The following SUZ12 variants were observed in gnomAD, a reference collection of about 807,000 sequenced individuals.
SUZ12 encodes the protein polycomb protein SUZ12.
Under a neutral mutation model 87.3 loss-of-function variants are expected in SUZ12, and 17 were observed. The observed-to-expected ratio is 0.19, with a 90% CI of 0.13 to 0.29. The LOEUF (loss-of-function observed/expected upper bound fraction) is 0.29. Ranked by LOEUF, SUZ12 falls within the 10% of genes least tolerant of loss-of-function variation. SUZ12 has a pLI of 1.00. For missense variants in SUZ12, 526 were observed against 912.2 expected, an observed-to-expected ratio of 0.58 and a Z score of 5.45; for synonymous variants, 253 against 312.4, an observed-to-expected ratio of 0.81 and a Z score of 2.01.
chr17:31,955,552 G>A (rs1221139805), intron 4 of SUZ12, among the ~76,000 whole-genome samples: 1 of 152,030 alleles, frequency 6.6e-6, no homozygotes, highest in Non-Finnish European at 1.5e-5. Flanking sequence ...ATTGAGAACA[G>A]CCTGACCAAC....
chr17:31,995,812 T>C, intron 14 of SUZ12, 50 bp downstream of exon 14: 1 of 1,405,458 alleles, frequency 7.1e-7, no homozygotes, highest in Non-Finnish European at 9.8e-7. Context: ...TTATTTTGTT[T>C]TGAAAATTGC....
At chr17:31,989,816 A>C (rs1298687921) in intron 10 of SUZ12, among the ~76,000 whole-genome samples, 1 of 133,384 alleles carries the variant, frequency 7.5e-6, no homozygotes, top group Non-Finnish European at 1.6e-5. Flanking sequence ...TCACCTTGTT[A>C]GCCAGGATGG....
chr17:31,948,160 C>T (rs1906744964), intron 4 of SUZ12, among the ~76,000 whole-genome samples: 1 of 152,008 alleles, frequency 6.6e-6, no homozygotes, highest in Admixed American at 6.6e-5. Context: ...ACTTTTATTT[C>T]ATATTTGAAA....
In SUZ12 at chr17:31,999,920, C is replaced by T. The variant is rs1005404281; in HGVS notation, c.*917C>T. ...GGAGAAGTGTTCTTAAAAAGTCAACCAGAAAACTGTTATGCCTTTTATTTG... is the reference window on the plus strand; with the variant it reads ...GGAGAAGTGTTCTTAAAAAGTCAACTAGAAAACTGTTATGCCTTTTATTTG... On this transcript the variant is annotated 3_prime_UTR_variant, in exon 16 of 16. Transcript: ENST00000322652. 8.6e-6 allele frequency: 2 copies of T among 232,538 alleles called. No homozygotes were observed. Among genetic ancestry groups the T allele is most frequent in the Non-Finnish European group, 1.7e-5 (2 of 117,780 alleles). 14.4% of individuals were successfully genotyped at this position (232,538 alleles called of 1,614,324 possible).
At chr17:31,960,130 G>GAGAAA (rs1240335887) in intron 4 of SUZ12, among the ~76,000 whole-genome samples, 1 of 152,164 alleles carries the variant, frequency 6.6e-6, no homozygotes, top group South Asian at 2.1e-4. Flanking sequence ...AGGGAAGGGA[G>GAGAAA]AGAAAACTTT....
intron 4 of SUZ12, chr17:31,964,070 A>G (rs1237709717): frequency 0.07 from 10,530 of 151,116 alleles, no homozygotes; most frequent in African/African-American, 0.23. Flanking sequence ...TCTGTTGCCC[A>G]GGCTGGAGTG....
chr17:31,993,652 G>A (rs1275818191), intron 11 of SUZ12, among the ~76,000 whole-genome samples: 6 of 151,958 alleles, frequency 3.9e-5, no homozygotes, highest in Non-Finnish European at 7.4e-5. Context: ...AGCTCCAAGC[G>A]ATACATTTGA....
chr17:31,980,182 A>T (rs1468213747), intron 8 of SUZ12, among the ~76,000 whole-genome samples: 18 of 151,586 alleles, frequency 1.2e-4, no homozygotes, highest in Admixed American at 3.9e-4. Context: ...AAATTTTTTT[A>T]AAGTTACATG....
chr17:31,980,164 GA>G (rs200470881), intron 8 of SUZ12, among the ~76,000 whole-genome samples: 6 of 147,768 alleles, frequency 4.1e-5, no homozygotes, highest in Middle Eastern at 3.3e-3. Context: ...TTCCTAAAAA[GA>G]AAAAAAAAAT....
chr17:31,972,485 T>A (rs1908502898), intron 5 of SUZ12, among the ~76,000 whole-genome samples: 1 of 151,646 alleles, frequency 6.6e-6, no homozygotes, highest in Non-Finnish European at 1.5e-5. Context: ...GGATCATAGC[T>A]CACTGCAGCC....
intron 4 of SUZ12, among the ~76,000 whole-genome samples, chr17:31,952,991 T>C (rs1907080969): frequency 2.0e-5 from 3 of 152,204 alleles, no homozygotes; most frequent in Admixed American, 2.0e-4. Flanking sequence ...CGAAGCAAAA[T>C]GTCACTTCTC....
At chr17:31,962,577 C>T (rs575192511) in intron 4 of SUZ12, among the ~76,000 whole-genome samples, 7 of 152,310 alleles carry the variant, frequency 4.6e-5, no homozygotes, top group Admixed American at 2.6e-4. Context: ...GGTGACACAA[C>T]GAGACCCTGT....
intron 3 of SUZ12, among the ~76,000 whole-genome samples, chr17:31,941,695 G>A (rs1306327693): frequency 4.6e-5 from 7 of 150,992 alleles, no homozygotes; most frequent in African/African-American, 7.3e-5. Flanking sequence ...GACTATAGGC[G>A]CGTGCCACCA....
intron 15 of SUZ12, among the ~76,000 whole-genome samples, 170 bp downstream of exon 15, chr17:31,997,047 T>C (rs956222761): frequency 9.9e-5 from 15 of 152,216 alleles, no homozygotes; most frequent in Admixed American, 6.5e-5. Context: ...AGGTTTTTTT[T>C]AGGTACAAAG....
chr17:31,965,343 C>A (rs914372320), intron 4 of SUZ12, among the ~76,000 whole-genome samples: 4 of 152,110 alleles, frequency 2.6e-5, no homozygotes, highest in African/African-American at 9.7e-5. Flanking sequence ...GTCTCCTGAT[C>A]AACAACTGTA....
intron 10 of SUZ12, among the ~76,000 whole-genome samples, chr17:31,989,017 G>A (rs1011933188): frequency 1.3e-5 from 2 of 151,746 alleles, no homozygotes; most frequent in Non-Finnish European, 2.9e-5. Flanking sequence ...GGTTGCAGCC[G>A]AGATTGCACC....
chr17:31,955,494 G>A (rs553209218), intron 4 of SUZ12, among the ~76,000 whole-genome samples: 1 of 152,122 alleles, frequency 6.6e-6, no homozygotes, highest in Admixed American at 6.5e-5. Flanking sequence ...CATGCCTGTA[G>A]TCCCAGCACT....
In SUZ12 at chr17:31,999,440, A is replaced by G. The variant is rs976726068; in HGVS notation, c.*437A>G. On this transcript the variant is annotated 3_prime_UTR_variant, in exon 16 of 16. Coordinates refer to ENST00000322652, the MANE Select transcript of SUZ12 (RefSeq NM_015355.4). Reference sequence around the variant, plus strand: ...AAATTGAAGTGGTCTTCATATGTCAACTACAGAAAAGGAAAAAAATAGAAA... The same window carrying G: ...AAATTGAAGTGGTCTTCATATGTCAGCTACAGAAAAGGAAAAAAATAGAAA... The G allele has an allele frequency of 8.6e-6, 2 of 232,070 alleles. No individual in the cohort carries two copies. Among genetic ancestry groups the G allele is most frequent in the Non-Finnish European group, 8.5e-6 (1 of 117,418 alleles). The allele number at this position is 232,070 out of a possible 1,614,324, so 14.4% of individuals were successfully genotyped here. A position where few individuals can be genotyped will look rare whatever the true frequency, so the allele number is the denominator to read the frequency against.
At chr17:31,968,594 T>A (rs1908231590) in intron 5 of SUZ12, among the ~76,000 whole-genome samples, 1 of 152,202 alleles carries the variant, frequency 6.6e-6, no homozygotes, top group South Asian at 2.1e-4. Flanking sequence ...CTAATGTAAC[T>A]TCTAGTTTTT....
Sources: gnomAD v4.1 joint callset for allele counts (sites outside exome capture counted in the v4.1 genomes callset) on GRCh38, gnomAD v4.1.1 for gene constraint, MANE v1.5 for transcripts, NCBI Gene and HGNC (gene_info 2026-07-23, HGNC 2026-07-21) for gene names.